Variants in TNPO3 observed in about 807,000 individuals in gnomAD.
TNPO3 encodes the protein transportin 3.
A neutral mutation model predicts 122.8 loss-of-function variants in TNPO3; 65 were observed. The observed-to-expected ratio is 0.53, with a 90% CI of 0.43 to 0.65. The LOEUF is 0.65. Among genes scored for constraint, TNPO3 ranks in the 30% least tolerant of loss-of-function variants. TNPO3 has a pLI of 0.00. For missense variants in TNPO3, 850 were observed against 1,136.7 expected (o/e 0.75, Z 3.63); for synonymous variants, 372 against 411.2 (o/e 0.90, Z 1.15).
At chr7:129,011,641 CT>C (rs1480255014) in intron 4 of TNPO3, among the ~76,000 whole-genome samples, 1 of 152,206 alleles carries the variant, frequency 6.6e-6, no homozygotes, top group African/African-American at 2.4e-5. Flanking sequence ...CACGCCCAGC[CT>C]GTAAAGAATA....
intron 1 of TNPO3, among the ~76,000 whole-genome samples, chr7:129,024,982 AGAGT>A (rs1804940604): frequency 6.6e-6 from 1 of 152,074 alleles, no homozygotes; most frequent in Non-Finnish European, 1.5e-5. Context: ...CCTGGGCTAC[AGAGT>A]GAGACAGTCT....
intron 1 of TNPO3, among the ~76,000 whole-genome samples, chr7:129,040,574 C>A (rs1270374205): frequency 6.6e-6 from 1 of 151,996 alleles, no homozygotes; most frequent in East Asian, 1.9e-4. Flanking sequence ...TAAGATGGTG[C>A]ACTTTATGTA....
chr7:128,984,902 A>G (rs1274636000), intron 12 of TNPO3, among the ~76,000 whole-genome samples: 1 of 152,194 alleles, frequency 6.6e-6, no homozygotes, highest in African/African-American at 2.4e-5. Context: ...AACTCCAATA[A>G]AATAGGTTAA....
intron 10 of TNPO3, 37 bp downstream of exon 10, chr7:128,991,962 T>G: frequency 1.4e-6 from 2 of 1,424,798 alleles, no homozygotes; most frequent in Non-Finnish European, 1.9e-6. Context: ...CCTCTTGATA[T>G]TTAGAGTTCC....
At chr7:128,972,079 A>ACTG (rs1158388902) in intron 19 of TNPO3, among the ~76,000 whole-genome samples, 3 of 152,204 alleles carry the variant, frequency 2.0e-5, no homozygotes, top group Non-Finnish European at 4.4e-5. Context: ...GATTCACATC[A>ACTG]CTGTACTCCA....
At chr7:128,963,862 A>G (rs1270958867) in intron 21 of TNPO3, among the ~76,000 whole-genome samples, 1 of 152,256 alleles carries the variant, frequency 6.6e-6, no homozygotes, top group Non-Finnish European at 1.5e-5. Flanking sequence ...TACCCATAAA[A>G]GTGTAATTTA....
intron 1 of TNPO3, 58 bp from the exon 2 acceptor site, chr7:129,018,215 C>T: frequency 6.5e-7 from 1 of 1,532,502 alleles, no homozygotes; most frequent in Non-Finnish European, 8.9e-7. Context: ...ATTTTAATGA[C>T]ATAACCTCAA....
chr7:128,955,433 A>G (rs1796807457), intron 22 of TNPO3, 48 bp from the exon 23 acceptor site: 2 of 428,206 alleles, frequency 4.7e-6, no homozygotes, highest in African/African-American at 4.2e-5. Flanking sequence ...AAAATAGAGC[A>G]TTTAGTAAAA....
intron 1 of TNPO3, among the ~76,000 whole-genome samples, chr7:129,045,778 A>AT (rs1030722180): frequency 1.3e-5 from 2 of 152,232 alleles, no homozygotes; most frequent in Non-Finnish European, 2.9e-5. Flanking sequence ...ATGCCACCAC[A>AT]TAACAGACTA....
intron 16 of TNPO3, among the ~76,000 whole-genome samples, chr7:128,978,591 T>C (rs962183762): frequency 2.6e-5 from 4 of 152,218 alleles, no homozygotes; most frequent in Admixed American, 2.0e-4. Flanking sequence ...TCAAGTGTTT[T>C]TTTAGTTTGT....
At chr7:129,051,257 A>G (rs1347992445) in intron 1 of TNPO3, among the ~76,000 whole-genome samples, 1 of 152,196 alleles carries the variant, frequency 6.6e-6, no homozygotes, top group African/African-American at 2.4e-5. Context: ...TTCAAAAAAA[A>G]CTAGGTGACA....
chr7:128,959,206 T>C (rs1563084365), intron 21 of TNPO3, among the ~76,000 whole-genome samples: 1 of 152,206 alleles, frequency 6.6e-6, no homozygotes, highest in Non-Finnish European at 1.5e-5. Context: ...GGAAGATCTG[T>C]AACCCAAGAG....
intron 17 of TNPO3, 145 bp downstream of exon 17, chr7:128,975,674 C>T: frequency 3.3e-6 from 2 of 606,830 alleles, no homozygotes; most frequent in Non-Finnish European, 2.9e-6. Context: ...AACTGGGAAG[C>T]TTCCACCTCC....
At chr7:128,978,311 CTTCTGTGGACAACT>C (rs1799279749) in intron 16 of TNPO3, among the ~76,000 whole-genome samples, 1 of 152,202 alleles carries the variant, frequency 6.6e-6, no homozygotes. Flanking sequence ...TGACAAGAGA[CTTCTGTGGACAACT>C]AACTGTGGCC....
chr7:129,027,138 A>C (rs1399822940), intron 1 of TNPO3, among the ~76,000 whole-genome samples: 1 of 152,156 alleles, frequency 6.6e-6, no homozygotes, highest in Non-Finnish European at 1.5e-5. Context: ...TTAACAACAC[A>C]CAGGAGTTAG....
chr7:129,026,562 C>A (rs1214305341), intron 1 of TNPO3, among the ~76,000 whole-genome samples: 1 of 151,958 alleles, frequency 6.6e-6, no homozygotes, highest in Non-Finnish European at 1.5e-5. Context: ...GCCACCACAC[C>A]CAGCTAATTT....
chr7:128,956,454 C>T (rs997730500), intron 22 of TNPO3, among the ~76,000 whole-genome samples: 1 of 152,158 alleles, frequency 6.6e-6, no homozygotes, highest in Admixed American at 6.5e-5. Context: ...ACGGAAAGCA[C>T]GTGGAGAAAA....
At chr7:128,988,606 A>G (rs1284664457) in intron 11 of TNPO3, among the ~76,000 whole-genome samples, 1 of 152,230 alleles carries the variant, frequency 6.6e-6, no homozygotes, top group African/African-American at 2.4e-5. Flanking sequence ...ATCTTTTGAT[A>G]AGAGTCTGCA....
intron 7 of TNPO3, 52 bp from the exon 8 acceptor site, chr7:128,997,587 A>G: frequency 6.7e-7 from 1 of 1,489,900 alleles, no homozygotes; most frequent in East Asian, 2.3e-5. Flanking sequence ...ATAGAATAAG[A>G]AGACATTTTA....
Sources: allele counts gnomAD v4.1 joint callset (sites outside exome capture counted in the v4.1 genomes callset), GRCh38; gene constraint gnomAD v4.1.1; transcripts MANE v1.5; gene names NCBI Gene and HGNC (gene_info 2026-07-23, HGNC 2026-07-21).